Variants in STAG1 observed in about 807,000 individuals in gnomAD.
STAG1 encodes STAG1 cohesin complex component, also known as cohesin subunit SA-1.
Under a neutral mutation model 170.9 loss-of-function variants are expected in STAG1, and 26 were observed. The ratio of observed to expected loss-of-function variants is 0.15; its 90% CI spans 0.11 to 0.21. The LOEUF (loss-of-function observed/expected upper bound fraction) is 0.21, where lower values mean the gene tolerates loss of function less well. STAG1 is among the 10% of genes least tolerant of loss of function. The probability of loss-of-function intolerance (pLI) is 1.00; values close to 1 mark genes in which losing one functional copy is unlikely to be tolerated. For missense variants in STAG1, 964 were observed against 1,509.5 expected (o/e 0.64, Z 5.99); for synonymous variants, 514 against 497.7 (o/e 1.03, Z -0.44).
At chr3:136,567,932 T>C (rs1937141398) in intron 5 of STAG1, among the ~76,000 whole-genome samples, 1 of 152,130 alleles carries the variant, frequency 6.6e-6, no homozygotes, top group African/African-American at 2.4e-5. Flanking sequence ...ACAATGAAGA[T>C]GCCTTTAAAA....
chr3:136,423,958 G>C (rs1008273777), intron 16 of STAG1, among the ~76,000 whole-genome samples: 61 of 151,522 alleles, frequency 4.0e-4, no homozygotes, highest in African/African-American at 1.3e-3. Context: ...CTGCCTCCTG[G>C]GTTCTAGTGA....
At chr3:136,666,074 CAAAAAAAAAAAAAAAAAAAAAAAAAA>C (rs576009223) in intron 1 of STAG1, among the ~76,000 whole-genome samples, 1 of 51,142 alleles carries the variant, frequency 2.0e-5, no homozygotes, top group Non-Finnish European at 4.2e-5. Flanking sequence ...GACTCCATCT[CAAAAAAAAAAAAAAAAAAAAAAAAAA>C]AAAAAAAAAA....
chr3:136,383,705 C>T (rs1010673104), intron 22 of STAG1, among the ~76,000 whole-genome samples: 7 of 152,030 alleles, frequency 4.6e-5, no homozygotes, highest in African/African-American at 1.7e-4. Flanking sequence ...CCTGTAATCC[C>T]AGCACTTTGG....
chr3:136,634,395 T>C (rs1348119750), intron 1 of STAG1, among the ~76,000 whole-genome samples: 2 of 151,518 alleles, frequency 1.3e-5, no homozygotes, highest in Non-Finnish European at 2.9e-5. Context: ...CAGGGCACCA[T>C]ATAATGGGGG....
chr3:136,427,363 A>G (rs2088162415), intron 16 of STAG1, among the ~76,000 whole-genome samples: 5 of 152,232 alleles, frequency 3.3e-5, no homozygotes, highest in Admixed American at 3.3e-4. Flanking sequence ...ATTCACTAAA[A>G]AAGCCCCATG....
chr3:136,690,056 C>CAA (rs57082567), intron 1 of STAG1, among the ~76,000 whole-genome samples: 24 of 56,342 alleles, frequency 4.3e-4, no homozygotes, highest in African/African-American at 1.3e-3. Flanking sequence ...AAAAGCAAAC[C>CAA]AAAAAAAAAA....
intron 9 of STAG1, among the ~76,000 whole-genome samples, chr3:136,495,009 C>T (rs1425601546): frequency 6.6e-6 from 1 of 152,082 alleles, no homozygotes; most frequent in East Asian, 1.9e-4. Context: ...CTGTACCAGT[C>T]AAAAAATTTT....
At chr3:136,633,955 C>A (rs1940440772) in intron 1 of STAG1, among the ~76,000 whole-genome samples, 1 of 52,206 alleles carries the variant, frequency 1.9e-5, no homozygotes, top group Non-Finnish European at 4.7e-5. Flanking sequence ...GAAACCCTGT[C>A]TCTACTTAAA....
chr3:136,437,233 A>G (rs954094168), intron 15 of STAG1, among the ~76,000 whole-genome samples: 13 of 152,248 alleles, frequency 8.5e-5, no homozygotes, highest in Non-Finnish European at 1.6e-4. Context: ...AACCTTGCAC[A>G]GTGTTCAATT....
chr3:136,471,330 CT>C (rs2089622831), intron 12 of STAG1, among the ~76,000 whole-genome samples: 2 of 151,946 alleles, frequency 1.3e-5, no homozygotes, highest in African/African-American at 4.8e-5. Context: ...CAATGGAGTT[CT>C]AATATTCAAA....
At chr3:136,741,719 C>T (rs993710945) in intron 1 of STAG1, among the ~76,000 whole-genome samples, 2 of 152,170 alleles carry the variant, frequency 1.3e-5, no homozygotes, top group African/African-American at 2.4e-5. Context: ...CCGCCTGCCT[C>T]GGCCTCCCAA....
At chr3:136,549,660 T>C (rs1366564075) in intron 5 of STAG1, among the ~76,000 whole-genome samples, 1 of 24,040 alleles carries the variant, frequency 4.2e-5, no homozygotes, top group Non-Finnish European at 1.1e-4. Flanking sequence ...CTTCTTCCGT[T>C]TTTTTTTTTT....
At chr3:136,719,356 T>C (rs1255871880) in intron 1 of STAG1, among the ~76,000 whole-genome samples, 2 of 151,774 alleles carry the variant, frequency 1.3e-5, no homozygotes, top group Non-Finnish European at 2.9e-5. Context: ...GATTAGAAAA[T>C]GAGAAATGAC....
At chr3:136,421,266 T>C (rs868043342) in intron 19 of STAG1, 103 bp from the exon 20 acceptor site, 14 of 576,764 alleles carry the variant, frequency 2.4e-5, no homozygotes, top group Middle Eastern at 1.0e-3. Flanking sequence ...ATTAATAGTA[T>C]ATATTCATTG....
intron 1 of STAG1, among the ~76,000 whole-genome samples, chr3:136,659,096 G>T (rs1003870236): frequency 5.9e-5 from 9 of 152,144 alleles, no homozygotes; most frequent in African/African-American, 2.2e-4. Flanking sequence ...ACGCCTCATT[G>T]TAATTAACTC....
At chr3:136,589,184 C>A (rs1938015285) in intron 4 of STAG1, among the ~76,000 whole-genome samples, 1 of 152,102 alleles carries the variant, frequency 6.6e-6, no homozygotes, top group Non-Finnish European at 1.5e-5. Context: ...AGCCACTGCA[C>A]CTGGCCTATT....
intron 22 of STAG1, among the ~76,000 whole-genome samples, chr3:136,397,040 AAAAATAACACTCC>A (rs2087184447): frequency 6.6e-6 from 1 of 152,208 alleles, no homozygotes. Context: ...CTTACTCTGA[AAAAATAACACTCC>A]ATATCAAGCT....
intron 30 of STAG1, among the ~76,000 whole-genome samples, chr3:136,342,767 G>A (rs752168015): frequency 3.9e-5 from 6 of 152,196 alleles, no homozygotes; most frequent in Non-Finnish European, 7.3e-5. Context: ...TATAAACCTG[G>A]AGCAGGGAAA....
intron 1 of STAG1, among the ~76,000 whole-genome samples, chr3:136,700,122 C>T: frequency 6.6e-6 from 1 of 150,470 alleles, no homozygotes; most frequent in Non-Finnish European, 1.5e-5. Flanking sequence ...TACAACATGC[C>T]TATAATGTGA....
Sources: gnomAD v4.1 joint callset for allele counts (sites outside exome capture counted in the v4.1 genomes callset) on GRCh38, gnomAD v4.1.1 for gene constraint, MANE v1.5 for transcripts, NCBI Gene and HGNC (gene_info 2026-07-23, HGNC 2026-07-21) for gene names.